TRNAU1AP: variants seen among roughly 807,000 people sequenced by gnomAD.
TRNAU1AP encodes tRNA selenocysteine 1 associated protein 1.
Under a neutral mutation model 43.3 loss-of-function variants are expected in TRNAU1AP, and 33 were observed. The ratio of observed to expected loss-of-function variants is 0.76; its 90% confidence interval spans 0.58 to 1.02. The LOEUF is 1.02. Among genes scored for constraint, TRNAU1AP ranks in the 50% least tolerant of loss-of-function variants. The probability of loss-of-function intolerance (pLI) is 0.00; values close to 1 mark genes in which losing one functional copy is unlikely to be tolerated. For missense variants in TRNAU1AP, 290 were observed against 362.7 expected, an observed-to-expected ratio of 0.80 and a Z score of 1.63; for synonymous variants, 143 against 129.1, an observed-to-expected ratio of 1.11 and a Z score of -0.73.
intron 2 of TRNAU1AP, among the ~76,000 whole-genome samples, chr1:28,555,916 C>A (rs568513509): frequency 6.6e-6 from 1 of 150,464 alleles, no homozygotes; most frequent in Non-Finnish European, 1.5e-5. Context: ...TGCAGTGGCA[C>A]GATCTCGGCT....
At chr1:28,561,831 G>C (rs1025121066) in intron 4 of TRNAU1AP, among the ~76,000 whole-genome samples, 3 of 152,068 alleles carry the variant, frequency 2.0e-5, no homozygotes, top group Non-Finnish European at 2.9e-5. Context: ...CCAGCACTTT[G>C]GGAGGCCAAG....
At chr1:28,574,243 A>G (rs558639411) in intron 8 of TRNAU1AP, among the ~76,000 whole-genome samples, 2 of 151,926 alleles carry the variant, frequency 1.3e-5, no homozygotes, top group East Asian at 3.9e-4. Context: ...ATGCACCACC[A>G]CGCTCGGCTA....
intron 6 of TRNAU1AP, among the ~76,000 whole-genome samples, chr1:28,569,289 G>A (rs188339660): frequency 6.6e-6 from 1 of 152,280 alleles, no homozygotes; most frequent in East Asian, 1.9e-4. Context: ...CAGCTGCTCT[G>A]GTGGCTGAAG....
At chr1:28,564,207 A>G (rs1241071341) in intron 4 of TRNAU1AP, among the ~76,000 whole-genome samples, 1 of 152,160 alleles carries the variant, frequency 6.6e-6, no homozygotes, top group Non-Finnish European at 1.5e-5. Flanking sequence ...CAGAAGTTGA[A>G]GTGACCCCAG....
intron 6 of TRNAU1AP, among the ~76,000 whole-genome samples, chr1:28,568,231 G>T (rs1209535302): frequency 6.6e-6 from 1 of 152,174 alleles, no homozygotes; most frequent in Admixed American, 6.6e-5. Context: ...CACCTGTCAT[G>T]CTAGGTAGAA....
intron 4 of TRNAU1AP, 99 bp downstream of exon 4, chr1:28,561,497 C>A: frequency 1.5e-6 from 2 of 1,358,120 alleles, no homozygotes; most frequent in East Asian, 2.3e-5. Context: ...ACTTGGTTCC[C>A]TCCTGAAGGA....
In TRNAU1AP at chr1:28,561,396, C is replaced by T. The variant is rs1350624378; in HGVS notation, c.276C>T (p.Asn92=). The T allele has an allele frequency of 1.9e-6, 3 of 1,614,128 alleles. No individual in the cohort carries two copies. The highest frequency in any genetic ancestry group is 1.7e-5 in the Admixed American group (1 of 60,004). Reference sequence around the variant, plus strand: ...CCACTTACGGGAAACAACCAGATAACAGGTAGGTACAAAGTCATGTCTAGA... The same window carrying T: ...CCACTTACGGGAAACAACCAGATAATAGGTAGGTACAAAGTCATGTCTAGA... ...NYATYGKQPD[N]SPEYSLFVGD... is the part of the protein sequence containing the mutation. The change falls in exon 4 of 9, where the codon AAC becomes AAT. Residue 92 remains asparagine (N), a splice_region_variant and synonymous_variant. Transcript: ENST00000373830.
chr1:28,553,252 G>A, intron 1 of TRNAU1AP, 115 bp downstream of exon 1: 1 of 1,198,754 alleles, frequency 8.3e-7, no homozygotes, highest in South Asian at 1.6e-5. Context: ...GACGTGTGAC[G>A]GGGGTTCTTT....
chr1:28,574,188 A>G (rs1037872450), intron 8 of TRNAU1AP, among the ~76,000 whole-genome samples: 5 of 151,420 alleles, frequency 3.3e-5, no homozygotes, highest in East Asian at 1.9e-4. Flanking sequence ...CCCAGGTTCA[A>G]GTGATTCTCC....
At chr1:28,572,439 G>A (rs993467444) in intron 8 of TRNAU1AP, among the ~76,000 whole-genome samples, 5 of 150,956 alleles carry the variant, frequency 3.3e-5, no homozygotes, top group South Asian at 2.1e-4. Context: ...TAGGTGATCC[G>A]CCCGCCTCAG....
At chr1:28,571,997 T>G in intron 8 of TRNAU1AP, 97 bp downstream of exon 8, 1 of 1,099,718 alleles carries the variant, frequency 9.1e-7, no homozygotes, top group Non-Finnish European at 1.4e-6. Flanking sequence ...AGATAAATTC[T>G]GCTCTGGAAG....
intron 4 of TRNAU1AP, 22 bp downstream of exon 4, chr1:28,561,420 G>C (rs1179090802): frequency 3.7e-6 from 6 of 1,613,650 alleles, no homozygotes; most frequent in Admixed American, 1.7e-5. Context: ...GTCATGTCTA[G>C]ACAGACATAA....
intron 8 of TRNAU1AP, among the ~76,000 whole-genome samples, chr1:28,573,101 C>T (rs1259492985): frequency 2.1e-5 from 3 of 141,524 alleles, no homozygotes; most frequent in African/African-American, 7.8e-5. Flanking sequence ...GTGGCGCAAT[C>T]TCATCTCACT....
chr1:28,574,156 C>T (rs1440985768), intron 8 of TRNAU1AP, among the ~76,000 whole-genome samples: 1 of 149,244 alleles, frequency 6.7e-6, no homozygotes, highest in African/African-American at 2.5e-5. Context: ...TCTCCAATCT[C>T]AGCTCATTGC....
intron 4 of TRNAU1AP, among the ~76,000 whole-genome samples, chr1:28,562,260 A>G (rs1665428001): frequency 6.6e-6 from 1 of 152,210 alleles, no homozygotes; most frequent in Non-Finnish European, 1.5e-5. Flanking sequence ...TTAGCCTCAG[A>G]TGTATTCATT....
At chr1:28,571,786 A>AAAAAAAAAAAAAAAAAAAAAAAAAAAAAT in intron 7 of TRNAU1AP, 81 bp from the exon 8 acceptor site, 1 of 1,008,578 alleles carries the variant, frequency 9.9e-7, no homozygotes, top group Non-Finnish European at 1.5e-6. Context: ...CCACCTCAAA[A>AAAAAAAAAAAAAAAAAAAAAAAAAAAAAT]AAAATAAAAA....
chr1:28,571,263 G>T lies in TRNAU1AP; in HGVS notation c.618G>T (p.Gln206His). 1 of 1,614,082 alleles carries T rather than the reference G, an allele frequency of 6.2e-7. No homozygotes were observed. Among genetic ancestry groups the T allele is most frequent in the South Asian group, 1.1e-5 (1 of 91,080 alleles). The change falls in exon 7 of 9, where the codon CAG (glutamine) becomes CAT (histidine). Residue 206 changes from glutamine to histidine, a missense_variant. This residue lies in a region of TRNAU1AP where 174 missense variants were observed against 262.1 expected (regional missense o/e 0.66). Coordinates refer to ENST00000373830, the MANE Select transcript of TRNAU1AP (RefSeq NM_017846.5). Reference sequence around the variant, plus strand: ...AGCAGTACCAGAACTACTATGCTCAGTGGGGCTATGACCAGAACACAGGCA... The same window carrying T: ...AGCAGTACCAGAACTACTATGCTCATTGGGGCTATGACCAGAACACAGGCA... ...YYQQYQNYYA[Q>H]WGYDQNTGSY...
Position 28,569,213 on chromosome 1 carries a change from T to C in TRNAU1AP, c.530+1800T>C, listed in dbSNP as rs75700569. ...TTAGTGACTTCTCCCAAAAATGTTATTTGTTGTAAATAAATTATTATATAA... is the reference window on the plus strand; with the variant it reads ...TTAGTGACTTCTCCCAAAAATGTTACTTGTTGTAAATAAATTATTATATAA... On this transcript the variant is annotated intron_variant, in intron 6 of 8. Transcript: ENST00000373830. Among the ~76,000 whole-genome samples, 1,045 of 152,316 alleles carry C rather than the reference T, an allele frequency of 6.9e-3. 11 individuals are homozygous for C. Among genetic ancestry groups the C allele is most frequent in the Middle Eastern group, 0.01 (3 of 294 alleles).
rs1570263441 is a variant in TRNAU1AP, at chr1:28,577,692, T to C, written c.*56T>C. The C allele has an allele frequency of 1.3e-6, 2 of 1,534,640 alleles. No homozygotes were observed. Among genetic ancestry groups the C allele is most frequent in the Admixed American group, 4.4e-5 (2 of 45,382 alleles). Reference sequence around the variant, plus strand: ...TGTGAGGGAGATGAGAGACTCCTTTTTAAAAATTGTGAAACCTTTTTGGAA... The same window carrying C: ...TGTGAGGGAGATGAGAGACTCCTTTCTAAAAATTGTGAAACCTTTTTGGAA... On this transcript the variant is annotated 3_prime_UTR_variant, in exon 9 of 9. Coordinates refer to ENST00000373830, the MANE Select transcript of TRNAU1AP (RefSeq NM_017846.5).
Sources: gnomAD v4.1 joint callset for allele counts (sites outside exome capture counted in the v4.1 genomes callset) on GRCh38, gnomAD v4.1.1 for gene constraint, gnomAD v4.1.1 regional missense constraint, MANE v1.5 for transcripts, NCBI Gene and HGNC (gene_info 2026-07-23, HGNC 2026-07-21) for gene names.